Variants in ZSWIM6 observed in about 807,000 individuals in gnomAD.
ZSWIM6 encodes zinc finger SWIM domain-containing protein 6.
In ZSWIM6, 9 loss-of-function variants were observed where a neutral mutation model predicts 113.2. The observed-to-expected ratio is 0.08, with a 90% CI of 0.05 to 0.14. ZSWIM6 has a LOEUF of 0.14. ZSWIM6 is among the 10% of genes least tolerant of loss of function. The pLI is 1.00. For missense variants in ZSWIM6, 1,162 were observed against 1,552.2 expected (o/e 0.75, Z 4.22); for synonymous variants, 611 against 606.5 (o/e 1.01, Z -0.11).
At chr5:61,363,876 C>A in intron 1 of ZSWIM6, among the ~76,000 whole-genome samples, 1 of 148,824 alleles carries the variant, frequency 6.7e-6, no homozygotes, top group Non-Finnish European at 1.5e-5. Flanking sequence ...TTCCTTCCCT[C>A]CTTCCTTCCT....
In ZSWIM6 at chr5:61,471,503, G is replaced by A. The variant is rs564138503; in HGVS notation, c.677-1178G>A. Among the ~76,000 whole-genome samples the A allele has an allele frequency of 2.6e-5, 4 of 152,314 alleles. No individual in the cohort carries two copies. In the East Asian group the frequency reaches 7.7e-4, roughly 29 times the overall value. On this transcript the variant is annotated intron_variant, in intron 1 of 13. Transcript: ENST00000252744. ...GCTGTAGCTAGTGCTATCCAAGGGGGATTGGCCCCCAGGGCAGGGTGAGTG... is the reference window on the plus strand; with the variant it reads ...GCTGTAGCTAGTGCTATCCAAGGGGAATTGGCCCCCAGGGCAGGGTGAGTG...
At chr5:61,486,117 C>G (rs948263098) in intron 2 of ZSWIM6, among the ~76,000 whole-genome samples, 3 of 152,128 alleles carry the variant, frequency 2.0e-5, no homozygotes, top group African/African-American at 7.2e-5. Flanking sequence ...CACCCACCCT[C>G]CAACTCTTCC....
intron 1 of ZSWIM6, among the ~76,000 whole-genome samples, chr5:61,465,659 A>G (rs1019053695): frequency 6.6e-6 from 1 of 152,128 alleles, no homozygotes; most frequent in Non-Finnish European, 1.5e-5. Flanking sequence ...GCTGCTGGGA[A>G]CTCTTAGTTG....
At chr5:61,342,194 A>G (rs778185337) in intron 1 of ZSWIM6, among the ~76,000 whole-genome samples, 1 of 152,128 alleles carries the variant, frequency 6.6e-6, no homozygotes, top group Admixed American at 6.5e-5. Context: ...AGCCTTTTGT[A>G]TGACTTGGGG....
At chr5:61,433,542 G>T in intron 1 of ZSWIM6, among the ~76,000 whole-genome samples, 1 of 147,186 alleles carries the variant, frequency 6.8e-6, no homozygotes. Flanking sequence ...GCGTGATCTT[G>T]GCTCACCGCA....
intron 4 of ZSWIM6, among the ~76,000 whole-genome samples, chr5:61,510,721 C>G (rs956990399): frequency 6.6e-6 from 1 of 151,974 alleles, no homozygotes; most frequent in African/African-American, 2.4e-5. Context: ...TGCTTTGATG[C>G]CTTGAAGCCA....
intron 1 of ZSWIM6, among the ~76,000 whole-genome samples, chr5:61,406,737 G>C (rs777353033): frequency 7.8e-6 from 1 of 127,500 alleles, no homozygotes; most frequent in Non-Finnish European, 1.7e-5. Flanking sequence ...TTTTGAGACA[G>C]AGTCTTGCTC....
intron 1 of ZSWIM6, among the ~76,000 whole-genome samples, chr5:61,453,223 A>G (rs1019759943): frequency 1.3e-5 from 2 of 152,154 alleles, no homozygotes; most frequent in Admixed American, 1.3e-4. Flanking sequence ...TAATCGACAT[A>G]AAATTGTATG....
chr5:61,507,304 T>A (rs970016428), intron 4 of ZSWIM6, among the ~76,000 whole-genome samples: 5 of 152,174 alleles, frequency 3.3e-5, no homozygotes, highest in Non-Finnish European at 7.3e-5. Flanking sequence ...ACTGAGATGA[T>A]TATGTTAACA....
At chr5:61,536,541 G>C (rs966567162) in intron 10 of ZSWIM6, among the ~76,000 whole-genome samples, 8 of 152,190 alleles carry the variant, frequency 5.3e-5, no homozygotes, top group Admixed American at 3.3e-4. Flanking sequence ...TTAACAGTTT[G>C]ATCTCAAGAA....
At chr5:61,446,187 G>A (rs531667769) in intron 1 of ZSWIM6, among the ~76,000 whole-genome samples, 29 of 152,250 alleles carry the variant, frequency 1.9e-4, no homozygotes, top group African/African-American at 6.7e-4. Context: ...ACCACTCCCA[G>A]CTAATTTTTG....
intron 8 of ZSWIM6, among the ~76,000 whole-genome samples, chr5:61,531,062 C>A (rs958906385): frequency 2.6e-5 from 4 of 152,090 alleles, no homozygotes; most frequent in African/African-American, 9.7e-5. Flanking sequence ...ATGTTATGTT[C>A]CCTACTGTTT....
rs1244821195 is a variant in ZSWIM6, at chr5:61,335,853, GA to G, written c.676+2912del. 7.9e-5 allele frequency among the ~76,000 whole-genome samples: 12 copies of G among 152,054 alleles called. 1 individual carries two copies. The highest frequency in any genetic ancestry group is 3.8e-4 in the East Asian group (2 of 5,200). ...CTATATTTTAAAAAGAAATTTAAGG[GA>G]AAAAAATAAACCTTTGTTATAGTAG... On this transcript the variant is annotated intron_variant, in intron 1 of 13. Transcript: ENST00000252744.
At chr5:61,417,792 A>G (rs1746285961) in intron 1 of ZSWIM6, among the ~76,000 whole-genome samples, 1 of 152,196 alleles carries the variant, frequency 6.6e-6, no homozygotes, top group South Asian at 2.1e-4. Flanking sequence ...GAATGGGTAG[A>G]TTGTTTATCT....
At chr5:61,391,230 G>A in intron 1 of ZSWIM6, 1 of 906,388 alleles carries the variant, frequency 1.1e-6, no homozygotes, top group Non-Finnish European at 1.9e-6. Flanking sequence ...CGATCATCTT[G>A]TCCTGCTCAA....
intron 1 of ZSWIM6, among the ~76,000 whole-genome samples, chr5:61,448,234 T>C (rs1268586554): frequency 2.0e-5 from 3 of 152,214 alleles, no homozygotes; most frequent in Non-Finnish European, 4.4e-5. Flanking sequence ...TCTCTGAGTT[T>C]CCTATTTTCC....
At chr5:61,338,517 A>AT (rs1258752638) in intron 1 of ZSWIM6, among the ~76,000 whole-genome samples, 1 of 152,138 alleles carries the variant, frequency 6.6e-6, no homozygotes, top group Non-Finnish European at 1.5e-5. Flanking sequence ...TATGTAAGTG[A>AT]TTTTTGAAAG....
intron 1 of ZSWIM6, among the ~76,000 whole-genome samples, chr5:61,460,483 T>C (rs1747300487): frequency 6.6e-6 from 1 of 152,186 alleles, no homozygotes; most frequent in Admixed American, 6.5e-5. Flanking sequence ...TGGGAACCCT[T>C]CCCTCTTCTG....
At chr5:61,447,839 A>G (rs536582520) in intron 1 of ZSWIM6, among the ~76,000 whole-genome samples, 6 of 152,272 alleles carry the variant, frequency 3.9e-5, no homozygotes, top group Admixed American at 6.5e-5. Flanking sequence ...GATGGGGGAG[A>G]TCAGTCTCAA....
Sources: allele counts gnomAD v4.1 joint callset (sites outside exome capture counted in the v4.1 genomes callset), GRCh38; gene constraint gnomAD v4.1.1; transcripts MANE v1.5; gene names NCBI Gene and HGNC (gene_info 2026-07-23, HGNC 2026-07-21).